Variants in POU2F2 observed in about 807,000 individuals in gnomAD.
The protein encoded by POU2F2 is POU domain, class 2, transcription factor 2.
In POU2F2, 14 loss-of-function variants were observed where a neutral mutation model predicts 63.5. The ratio of observed to expected loss-of-function variants is 0.22; its 90% confidence interval spans 0.15 to 0.34. The LOEUF (loss-of-function observed/expected upper bound fraction) is 0.34. Among genes scored for constraint, POU2F2 ranks in the 10% least tolerant of loss-of-function variants. The pLI is 1.00. For synonymous variants in POU2F2, 306 were observed against 348.6 expected (o/e 0.88, Z 1.36); for missense variants, 607 against 815.2 (o/e 0.74, Z 3.11).
chr19:42,152,102 G>A lies in POU2F2; in HGVS notation c.-9+8230C>T. On this transcript the variant is annotated intron_variant, in intron 2 of 6. Coordinates refer to the POU2F2 transcript ENST00000524801. This position sits in a 1 kb window ranked among gnomAD's most constrained non-coding sequence, Gnocchi z 4.1. ...TTGGTCACAATCCACCCATGACACT[G>A]CGTCAGGGCCTCCCATCCACCCAGC... Among the ~76,000 whole-genome samples, 1 of 152,126 alleles carries A rather than the reference G, an allele frequency of 6.6e-6. No homozygotes were observed. The highest frequency in any genetic ancestry group is 1.5e-5 in the Non-Finnish European group (1 of 68,026).
intron 1 of POU2F2, among the ~76,000 whole-genome samples, chr19:42,161,042 G>T (rs2034542941): frequency 6.6e-6 from 1 of 152,140 alleles, no homozygotes; most frequent in Admixed American, 6.5e-5. Flanking sequence ...CAAGGTCTCT[G>T]CTCTATTACG....
chr19:42,160,230 C>T (rs1256578996), intron 2 of POU2F2: 2 of 152,224 alleles, frequency 1.3e-5, no homozygotes, highest in Non-Finnish European at 2.9e-5. Context: ...AGGGCAGCAA[C>T]ACACCCAGGG....
Position 42,095,861 on chromosome 19 carries a change from G to A in POU2F2, c.798C>T (p.Phe266=), listed in dbSNP as rs756460030. 4 of 1,614,066 alleles carry A rather than the reference G, an allele frequency of 2.5e-6. No individual in the cohort carries two copies. The East Asian group carries it at 6.7e-5, about 27-fold the overall frequency. The change falls in exon 9 of 15, where the codon TTC becomes TTT. Residue 266 remains phenylalanine, a synonymous_variant. Coordinates refer to ENST00000692977, the MANE Select transcript of POU2F2 (RefSeq NM_001394376.1). This position sits in a 1 kb window ranked among gnomAD's most constrained non-coding sequence, Gnocchi z 7.1. ...NDFSQTTISR[F]EALNLSFKNM... is the part of the protein sequence containing the mutation. ...TCTTGAAGCTCAGGTTGAGGGCCTC[G>A]AAGCGGGAAATGGTCGTCTGGCTGA...
upstream of POU2F2, chr19:42,132,721 C>A: frequency 2.8e-6 from 1 of 362,818 alleles, no homozygotes. Flanking sequence ...CCCATGGAGG[C>A]AAACAAGTCT....
chr19:42,127,673 G>A (rs554544845), intron 1 of POU2F2, among the ~76,000 whole-genome samples: 2 of 151,922 alleles, frequency 1.3e-5, no homozygotes, highest in Non-Finnish European at 2.9e-5. Flanking sequence ...GAGCCACCAC[G>A]CCCGGCCATA....
At chr19:42,132,474 G>C, upstream of POU2F2, 29 of 1,381,444 alleles carry the variant, frequency 2.1e-5, no homozygotes, top group Non-Finnish European at 2.8e-5. Context: ...TCTGGGGGCC[G>C]AGCCCTCCCT....
upstream of POU2F2, among the ~76,000 whole-genome samples, chr19:42,179,220 G>A (rs1326837366): frequency 1.3e-5 from 2 of 152,024 alleles, no homozygotes; most frequent in Non-Finnish European, 2.9e-5. Flanking sequence ...GACAGGAGGG[G>A]AGGGAAGAAC....
Position 42,095,978 on chromosome 19 carries a change from G to T in POU2F2, c.730-49C>A. On this transcript the variant is annotated intron_variant, in intron 8 of 14. Coordinates refer to ENST00000692977, the MANE Select transcript of POU2F2 (RefSeq NM_001394376.1). This position sits in a 1 kb window ranked among gnomAD's most constrained non-coding sequence, Gnocchi z 7.1. ...GCCCGAAGTCAGGGTGGGGCCTTCC[G>T]GCACTGGGCCCGCTCCGCCCGCCCA... 2 of 1,604,540 alleles carry T rather than the reference G, an allele frequency of 1.2e-6. No individual in the cohort carries two copies. The highest frequency in any genetic ancestry group is 8.5e-7 in the Non-Finnish European group (1 of 1,175,398).
rs1376746042 is a variant in POU2F2 at position 42,099,758 on chromosome 19, G to C, written c.433C>G (p.Pro145Ala). The C allele has an allele frequency of 6.3e-7, 1 of 1,589,184 alleles. No individual in the cohort carries two copies. The part of the protein sequence containing the change: ...VLVPGHHLQP[P>A]AQFLLPQAQQ... ...GCCTGCGGTAGCAGGAACTGAGCAG[G>C]TGGCTGGAGGTGGTGGCCTGGCACA... The change falls in exon 6 of 15, where the codon CCT becomes GCT. Residue 145 changes from proline to alanine, a missense_variant. Coordinates refer to ENST00000692977, the MANE Select transcript of POU2F2 (RefSeq NM_001394376.1).
chr19:42,108,871 G>GAGCT (rs148042405), intron 5 of POU2F2, among the ~76,000 whole-genome samples: 102 of 152,338 alleles, frequency 6.7e-4, no homozygotes, highest in African/African-American at 2.4e-3. Flanking sequence ...CCTAGCACAA[G>GAGCT]AGCTAGCATG....
At chr19:42,176,067 AAG>A (rs199872233), upstream of POU2F2, 10,346 of 134,662 alleles carry the variant, frequency 0.077, 519 homozygotes, top group South Asian at 0.15. Context: ...CCTCCAGGAA[AAG>A]AGAGAGAGAG....
At chr19:42,171,433 TGTG>T (rs1568423042) in intron 1 of POU2F2, among the ~76,000 whole-genome samples, 90 of 97,778 alleles carry the variant, frequency 9.2e-4, no homozygotes, top group African/African-American at 2.5e-3. Context: ...CTGCGCTTCG[TGTG>T]TGTGTGTGTG....
intron 1 of POU2F2, among the ~76,000 whole-genome samples, chr19:42,165,817 C>G (rs2034638926): frequency 6.6e-6 from 1 of 152,180 alleles, no homozygotes; most frequent in Non-Finnish European, 1.5e-5. Context: ...ATACTATTAC[C>G]ATCAGCAGCC....
chr19:42,147,211 C>T (rs2034250124), intron 2 of POU2F2, among the ~76,000 whole-genome samples: 1 of 152,166 alleles, frequency 6.6e-6, no homozygotes, highest in African/African-American at 2.4e-5. Flanking sequence ...ATCTCTTCCC[C>T]CATCACTCAC....
chr19:42,091,529 C>A lies in POU2F2; in HGVS notation c.1603G>T (p.Gly535Trp). ...CTCCCCGGGGCTGCACCGGCTGCCC[C>A]CAGCACCAGATTCCCGCTGCCATCA... Reference protein sequence around the residue: ...SLDGSGNLVLGAAGAAPGSPG... With the variant: ...SLDGSGNLVLWAAGAAPGSPG... The change falls in exon 15 of 15, where the codon GGG becomes TGG. Residue 535 changes from glycine to tryptophan, a missense_variant. Around this residue, in one of 7 missense-constraint regions of POU2F2, gnomAD observed 270 missense variants for 307.5 expected, o/e 0.88. Coordinates refer to ENST00000692977, the MANE Select transcript of POU2F2 (RefSeq NM_001394376.1). The A allele has an allele frequency of 6.5e-7, 1 of 1,547,352 alleles. No individual in the cohort carries two copies. Among genetic ancestry groups the A allele is most frequent in the East Asian group, 2.4e-5 (1 of 41,024 alleles).
chr19:42,181,150 C>T (rs1293750569), intron 1 of POU2F2, among the ~76,000 whole-genome samples: 1 of 152,210 alleles, frequency 6.6e-6, no homozygotes, highest in African/African-American at 2.4e-5. Context: ...TTAAGCAATC[C>T]GCACATGCAG....
intron 2 of POU2F2, among the ~76,000 whole-genome samples, chr19:42,146,059 A>T (rs915336135): frequency 2.0e-5 from 3 of 152,020 alleles, no homozygotes; most frequent in Non-Finnish European, 4.4e-5. Flanking sequence ...AAAAGAAAAA[A>T]AAGAGTTCTG....
At chr19:42,131,720 T>G (rs2033750241) in intron 1 of POU2F2, among the ~76,000 whole-genome samples, 1 of 152,114 alleles carries the variant, frequency 6.6e-6, no homozygotes, top group Non-Finnish European at 1.5e-5. Context: ...CAGTGATACG[T>G]GCCGTGAAGA....
intron 2 of POU2F2, among the ~76,000 whole-genome samples, chr19:42,150,630 G>A (rs1162299454): frequency 4.9e-5 from 7 of 143,758 alleles, no homozygotes; most frequent in African/African-American, 1.2e-4. Flanking sequence ...GGCCCGAGCC[G>A]CCCTCCCCCC....
Sources: gnomAD v4.1 joint callset for allele counts (sites outside exome capture counted in the v4.1 genomes callset) on GRCh38, gnomAD v4.1.1 for gene constraint, gnomAD v4.1.1 regional missense constraint, Gnocchi (gnomAD v3.1) non-coding constraint, MANE v1.5 for transcripts, NCBI Gene and HGNC (gene_info 2026-07-23, HGNC 2026-07-21) for gene names.